JAZF1: variants seen among roughly 807,000 people sequenced by gnomAD.
JAZF1 encodes JAZF zinc finger 1.
In JAZF1, 8 loss-of-function variants were observed where a neutral mutation model predicts 26.4. The observed-to-expected ratio is 0.30, with a 90% CI of 0.18 to 0.55. The LOEUF is 0.55. Among genes scored for constraint, JAZF1 ranks in the 20% least tolerant of loss-of-function variants. The pLI, the probability that JAZF1 is intolerant of heterozygous loss-of-function variation, is 0.94. For synonymous variants in JAZF1, 126 were observed against 122.3 expected, an observed-to-expected ratio of 1.03 and a Z score of -0.20; for missense variants, 199 against 322.0, an observed-to-expected ratio of 0.62 and a Z score of 2.92.
intron 4 of JAZF1, among the ~76,000 whole-genome samples, chr7:27,838,602 T>G (rs1184925584): frequency 2.0e-5 from 3 of 151,920 alleles, no homozygotes; most frequent in African/African-American, 4.8e-5. Context: ...ACCCAGCTTA[T>G]CCCACCCTCT....
intron 3 of JAZF1, among the ~76,000 whole-genome samples, chr7:27,851,352 A>C (rs1487295394): frequency 6.6e-6 from 1 of 152,218 alleles, no homozygotes; most frequent in Non-Finnish European, 1.5e-5. Context: ...AAAGATCTTA[A>C]AAATACACAC....
chr7:28,156,883 T>C (rs1031822364), intron 1 of JAZF1, among the ~76,000 whole-genome samples: 1 of 152,238 alleles, frequency 6.6e-6, no homozygotes, highest in Non-Finnish European at 1.5e-5. Flanking sequence ...ATTGAATGAA[T>C]GCATGAATCA....
intron 2 of JAZF1, among the ~76,000 whole-genome samples, chr7:27,946,360 G>T (rs1230746755): frequency 6.6e-6 from 1 of 152,146 alleles, no homozygotes; most frequent in Non-Finnish European, 1.5e-5. Flanking sequence ...ACCTAAAGAA[G>T]ATCTATCTAA....
chr7:28,079,893 T>G (rs1466094380), intron 1 of JAZF1, among the ~76,000 whole-genome samples: 1 of 152,214 alleles, frequency 6.6e-6, no homozygotes, highest in Non-Finnish European at 1.5e-5. Context: ...ACTGCTGGTC[T>G]GGTTCCAGAC....
At chr7:28,083,748 A>G (rs1446953030) in intron 1 of JAZF1, among the ~76,000 whole-genome samples, 1 of 151,994 alleles carries the variant, frequency 6.6e-6, no homozygotes, top group Non-Finnish European at 1.5e-5. Flanking sequence ...TATTCAAGGA[A>G]AAGCCTTGTC....
At chr7:28,060,154 AT>A (rs1783775339) in intron 1 of JAZF1, among the ~76,000 whole-genome samples, 1 of 152,078 alleles carries the variant, frequency 6.6e-6, no homozygotes, top group Non-Finnish European at 1.5e-5. Context: ...TTAAATTTCT[AT>A]ATTTTAGTTA....
chr7:27,909,435 G>A (rs183438253), intron 2 of JAZF1, among the ~76,000 whole-genome samples: 3 of 151,864 alleles, frequency 2.0e-5, no homozygotes, highest in African/African-American at 7.3e-5. Context: ...GGCCGGGCGC[G>A]GTGGCTCATG....
At chr7:28,040,364 TAACAAAC>T (rs1014646799) in intron 1 of JAZF1, among the ~76,000 whole-genome samples, 4 of 152,176 alleles carry the variant, frequency 2.6e-5, no homozygotes, top group African/African-American at 9.6e-5. Context: ...GATGGGAAAA[TAACAAAC>T]AACAAATATG....
chr7:27,852,377 G>A (rs1783168322), intron 3 of JAZF1, among the ~76,000 whole-genome samples: 1 of 152,014 alleles, frequency 6.6e-6, no homozygotes, highest in South Asian at 2.1e-4. Flanking sequence ...CAGGTGATCT[G>A]CTCACCTCAG....
At chr7:28,020,853 C>A in intron 1 of JAZF1, 1 of 367,110 alleles carries the variant, frequency 2.7e-6, no homozygotes. Flanking sequence ...AAAACTGCAG[C>A]TGCTCAGAGC....
intron 3 of JAZF1, among the ~76,000 whole-genome samples, chr7:27,847,228 G>A (rs949469386): frequency 6.6e-6 from 1 of 150,484 alleles, no homozygotes. Context: ...GACCTCAGGT[G>A]ATCCACCCAC....
intron 1 of JAZF1, among the ~76,000 whole-genome samples, chr7:28,035,314 A>AAAG (rs1554283353): frequency 1.5e-5 from 1 of 67,326 alleles, no homozygotes; most frequent in Non-Finnish European, 2.7e-5. Context: ...ACTCCATCTC[A>AAAG]AAAAAAAAAA....
intron 2 of JAZF1, among the ~76,000 whole-genome samples, chr7:27,940,438 C>T (rs1341075934): frequency 1.3e-5 from 2 of 152,184 alleles, no homozygotes; most frequent in Non-Finnish European, 2.9e-5. Context: ...CTACAGCCTG[C>T]ATTTCCAATA....
rs1009943753 is a variant in JAZF1 at position 28,052,806 on chromosome 7, G to A, written c.116-60825C>T. Among the ~76,000 whole-genome samples, 13 of 148,982 alleles carry A rather than the reference G, an allele frequency of 8.7e-5. No homozygotes were observed. In the South Asian group the frequency reaches 2.2e-3, roughly 25 times the overall value. On this transcript the variant is annotated intron_variant, in intron 1 of 4. Transcript: ENST00000283928. ...TTTTCACCCAAAGAAACAGCGACAA[G>A]TATGGATACTGGCTTTTTTTTTTTC...
chr7:27,950,529 G>A (rs1784991957), intron 2 of JAZF1, among the ~76,000 whole-genome samples: 1 of 152,136 alleles, frequency 6.6e-6, no homozygotes, highest in South Asian at 2.1e-4. Flanking sequence ...AGTAGGTCTA[G>A]GTAGGCGTAC....
At chr7:28,082,982 C>T (rs1583550968) in intron 1 of JAZF1, among the ~76,000 whole-genome samples, 2 of 152,330 alleles carry the variant, frequency 1.3e-5, no homozygotes, top group Middle Eastern at 6.8e-3. Context: ...CCAGAGCTGA[C>T]CACCACTGAG....
Position 27,830,981 on chromosome 7 carries a change from A to G in JAZF1, c.*1819T>C. 1 of 219,564 alleles carries G rather than the reference A, an allele frequency of 4.6e-6. No homozygotes were observed. The highest frequency in any genetic ancestry group is 9.2e-6 in the Non-Finnish European group (1 of 109,240). The allele number at this position is 219,564 out of a possible 1,614,324, so 13.6% of individuals were successfully genotyped here. On this transcript the variant is annotated 3_prime_UTR_variant, in exon 5 of 5. Coordinates refer to ENST00000283928, the MANE Select transcript of JAZF1 (RefSeq NM_175061.4). ...GCACTAGAAAGAGCGAAGCTAAATA[A>G]TAATTGCTGGCCTAAAAAATTTTTT...
At chr7:28,041,081 T>A (rs985940812) in intron 1 of JAZF1, among the ~76,000 whole-genome samples, 3 of 152,120 alleles carry the variant, frequency 2.0e-5, no homozygotes, top group Non-Finnish European at 4.4e-5. Flanking sequence ...CCTAGATATA[T>A]GTGGCAAAAT....
intron 2 of JAZF1, among the ~76,000 whole-genome samples, chr7:27,970,453 C>A (rs1013194852): frequency 1.1e-4 from 17 of 152,136 alleles, no homozygotes; most frequent in Admixed American, 1.1e-3. Context: ...CAAAACAAAA[C>A]AAAACAAAAA....
Sources: allele counts gnomAD v4.1 joint callset (sites outside exome capture counted in the v4.1 genomes callset), GRCh38; gene constraint gnomAD v4.1.1; transcripts MANE v1.5; gene names NCBI Gene and HGNC (gene_info 2026-07-23, HGNC 2026-07-21).